DDX4: variants seen among roughly 807,000 people sequenced by gnomAD.
The protein encoded by DDX4 is probable ATP-dependent RNA helicase DDX4.
Under a neutral mutation model 100.0 loss-of-function variants are expected in DDX4, and 25 were observed. The ratio of observed to expected loss-of-function variants is 0.25; its 90% CI spans 0.18 to 0.35. DDX4 has a LOEUF of 0.35. Ranked by LOEUF, DDX4 falls within the 10% of genes least tolerant of loss-of-function variation. DDX4 has a pLI of 1.00. For missense variants in DDX4, 635 were observed against 882.4 expected, an observed-to-expected ratio of 0.72 and a Z score of 3.55; for synonymous variants, 259 against 275.7, an observed-to-expected ratio of 0.94 and a Z score of 0.60.
Position 55,761,591 on chromosome 5 carries a change from T to G in DDX4, c.205+1314T>G, listed in dbSNP as rs1275535766. Among the ~76,000 whole-genome samples the G allele has an allele frequency of 8.6e-5, 13 of 151,302 alleles. No homozygotes were observed. In the East Asian group the frequency reaches 2.3e-3, roughly 27 times the overall value. On this transcript the variant is annotated intron_variant, in intron 4 of 21. Coordinates refer to ENST00000505374, the MANE Select transcript of DDX4 (RefSeq NM_024415.3). The stretch of plus-strand genomic sequence containing the variant: ...TTTTCCATATGATTCTTCTAACATT[T>G]TATATAGTTTCCTTTTTTTTTTCTT...
At chr5:55,772,339 CTGCTTTGCACTACAGGGCTGCCTTTG>C (rs1475747520) in intron 7 of DDX4, among the ~76,000 whole-genome samples, 2 of 152,174 alleles carry the variant, frequency 1.3e-5, no homozygotes, top group African/African-American at 2.4e-5. Flanking sequence ...ACTGTCCCTT[CTGCTTTGCACTACAGGGCTGCCTTTG>C]TCCTAAATTA....
intron 3 of DDX4, among the ~76,000 whole-genome samples, chr5:55,755,928 T>A (rs1230231371): frequency 1.3e-5 from 2 of 152,154 alleles, no homozygotes; most frequent in Non-Finnish European, 2.9e-5. Context: ...CAGAAGTGAC[T>A]ATTATCCTGA....
At chr5:55,763,088 C>A in intron 4 of DDX4, 87 bp from the exon 5 acceptor site, 2 of 873,062 alleles carry the variant, frequency 2.3e-6, no homozygotes, top group Non-Finnish European at 3.7e-6. Context: ...AGTCTCTTTA[C>A]GCCAGAAATT....
At chr5:55,797,019 T>A (rs1743006381) in intron 17 of DDX4, among the ~76,000 whole-genome samples, 1 of 151,864 alleles carries the variant, frequency 6.6e-6, no homozygotes, top group Non-Finnish European at 1.5e-5. Flanking sequence ...TAATTTTTTA[T>A]TTTTTGTAGA....
chr5:55,760,936 C>T (rs1382164529), intron 4 of DDX4, among the ~76,000 whole-genome samples: 1 of 152,034 alleles, frequency 6.6e-6, no homozygotes, highest in Non-Finnish European at 1.5e-5. Context: ...TTAGGGGATG[C>T]CATAGCGAGG....
intron 7 of DDX4, among the ~76,000 whole-genome samples, chr5:55,768,707 G>C (rs577830388): frequency 1.2e-4 from 18 of 152,272 alleles, no homozygotes; most frequent in African/African-American, 3.8e-4. Context: ...TCGCCACACT[G>C]TTTTCCACAA....
At chr5:55,743,316 G>T (rs1453418951) in intron 2 of DDX4, among the ~76,000 whole-genome samples, 2 of 152,040 alleles carry the variant, frequency 1.3e-5, no homozygotes, top group Non-Finnish European at 2.9e-5. Flanking sequence ...ATTTCCCTCT[G>T]CCTCTCTATT....
At chr5:55,812,388 C>T (rs1043631875) in intron 18 of DDX4, among the ~76,000 whole-genome samples, 1 of 151,986 alleles carries the variant, frequency 6.6e-6, no homozygotes, top group Non-Finnish European at 1.5e-5. Flanking sequence ...GGTGAAACCC[C>T]GTCTCTACTA....
At chr5:55,795,241 A>G (rs1412052524) in intron 17 of DDX4, among the ~76,000 whole-genome samples, 1 of 152,152 alleles carries the variant, frequency 6.6e-6, no homozygotes, top group African/African-American at 2.4e-5. Context: ...CTGGGATTGT[A>G]AGCGTGAGCC....
rs188522245 is a variant in DDX4, at chr5:55,760,502, G to A, written c.205+225G>A. Among the ~76,000 whole-genome samples the A allele has an allele frequency of 1.5e-3, 235 of 152,224 alleles. 1 individual carries two copies. The highest frequency in any genetic ancestry group is 5.2e-3 in the African/African-American group (215 of 41,548). Reference sequence around the variant, plus strand: ...GTTAAGTTGATTAGACAGATTGGTTGGAGGGATGGATGGGTTGGATGGATG... The same window carrying A: ...GTTAAGTTGATTAGACAGATTGGTTAGAGGGATGGATGGGTTGGATGGATG... On this transcript the variant is annotated intron_variant, in intron 4 of 21. Transcript: ENST00000505374.
intron 17 of DDX4, among the ~76,000 whole-genome samples, chr5:55,793,065 T>TGTGTGTGTGTGTTTGTGTG (rs1160621818): frequency 6.7e-6 from 1 of 149,192 alleles, no homozygotes; most frequent in African/African-American, 2.5e-5. Flanking sequence ...TTTGTGTGTG[T>TGTGTGTGTGTGTTTGTGTG]TGTTGTTGTT....
intron 3 of DDX4, among the ~76,000 whole-genome samples, chr5:55,754,285 T>G (rs1372494499): frequency 6.8e-6 from 1 of 147,490 alleles, no homozygotes; most frequent in Non-Finnish European, 1.5e-5. Context: ...TTTTTGCCCA[T>G]TCAGTATGAT....
chr5:55,766,776 A>G lies in DDX4; in HGVS notation c.335-1105A>G, dbSNP rs1740950088. The G allele has an allele frequency of 4.0e-6, 3 of 750,620 alleles. No homozygotes were observed. The East Asian group carries it at 9.3e-5, about 23-fold the overall frequency. 46.5% of individuals were successfully genotyped at this position (750,620 alleles called of 1,614,324 possible). On this transcript the variant is annotated intron_variant, in intron 6 of 21. Coordinates refer to ENST00000505374, the MANE Select transcript of DDX4 (RefSeq NM_024415.3). ...TTGACTTAATGTTCCCAGATATTAA[A>G]TATTAATGATATGTACAAAGATCCC... is the stretch of plus-strand genomic sequence containing the variant.
intron 5 of DDX4, among the ~76,000 whole-genome samples, chr5:55,763,608 GA>G (rs1740705605): frequency 6.6e-6 from 1 of 152,082 alleles, no homozygotes; most frequent in Non-Finnish European, 1.5e-5. Flanking sequence ...TTATTGAGGA[GA>G]AAATCATTGA....
chr5:55,786,380 G>A (rs1742250226), intron 13 of DDX4, 138 bp from the exon 14 acceptor site: 3 of 575,740 alleles, frequency 5.2e-6, no homozygotes, highest in Non-Finnish European at 9.0e-6. Flanking sequence ...ACTTCTGAGT[G>A]GAGGCATGTT....
chr5:55,800,645 C>T (rs1456395782), intron 18 of DDX4, among the ~76,000 whole-genome samples: 1 of 151,992 alleles, frequency 6.6e-6, no homozygotes, highest in Non-Finnish European at 1.5e-5. Context: ...TATATATGAG[C>T]TTGTGGGATA....
chr5:55,801,554 T>G (rs1743308139), intron 18 of DDX4, among the ~76,000 whole-genome samples: 1 of 152,148 alleles, frequency 6.6e-6, no homozygotes, highest in Admixed American at 6.5e-5. Flanking sequence ...CTTTTTTGCT[T>G]ACTTCAAATT....
At chr5:55,752,255 C>T (rs1301859613) in intron 3 of DDX4, among the ~76,000 whole-genome samples, 1 of 150,250 alleles carries the variant, frequency 6.7e-6, no homozygotes, top group Non-Finnish European at 1.5e-5. Context: ...CATATGTATA[C>T]ATGTGCCATG....
intron 13 of DDX4, 135 bp from the exon 14 acceptor site, chr5:55,786,383 G>A: frequency 1.7e-6 from 1 of 582,062 alleles, no homozygotes; most frequent in Non-Finnish European, 3.0e-6. Flanking sequence ...TCTGAGTGGA[G>A]GCATGTTACT....
Sources: allele counts gnomAD v4.1 joint callset (sites outside exome capture counted in the v4.1 genomes callset), GRCh38; gene constraint gnomAD v4.1.1; transcripts MANE v1.5; gene names NCBI Gene and HGNC (gene_info 2026-07-23, HGNC 2026-07-21).